RBFOX1: variants seen among roughly 807,000 people sequenced by gnomAD.
RBFOX1 encodes RNA binding fox-1 homolog 1.
RBFOX1 carries 8 observed loss-of-function variants against 57.7 expected under a neutral mutation model. The ratio of observed to expected loss-of-function variants is 0.14; its 90% CI spans 0.08 to 0.25. The LOEUF is 0.25. RBFOX1 is among the 10% of genes least tolerant of loss of function. The pLI, the probability that RBFOX1 is intolerant of heterozygous loss-of-function variation, is 1.00. For missense variants in RBFOX1, 611 were observed against 548.5 expected, an observed-to-expected ratio of 1.11 and a Z score of -1.14; for synonymous variants, 326 against 222.4, an observed-to-expected ratio of 1.47 and a Z score of -4.15.
At position 6,907,283 on chromosome 16, in the gene RBFOX1, A is replaced by G. The variant is rs562756307; in HGVS notation, c.-15-144774A>G. Among the ~76,000 whole-genome samples, 10 of 152,264 alleles carry G rather than the reference A, an allele frequency of 6.6e-5. No individual in the cohort carries two copies. In the South Asian group the frequency reaches 1.9e-3, roughly 28 times the overall value. On this transcript the variant is annotated intron_variant, in intron 3 of 15. Coordinates refer to ENST00000550418, the MANE Select transcript of RBFOX1 (RefSeq NM_018723.4). ...GTTTGTAGTGCTGACAGTGAGAGTC[A>G]TCTTTACCGATGTGCCTCCTTCAGT...
At chr16:6,105,618 A>T (rs1597358657) in intron 1 of RBFOX1, among the ~76,000 whole-genome samples, 2 of 151,510 alleles carry the variant, frequency 1.3e-5, no homozygotes. Context: ...ATTTTATTTT[A>T]TTTTTTTGTT....
intron 3 of RBFOX1, among the ~76,000 whole-genome samples, chr16:6,881,768 A>G (rs969110013): frequency 6.6e-6 from 1 of 152,184 alleles, no homozygotes; most frequent in African/African-American, 2.4e-5. Flanking sequence ...ATGAGCTTAT[A>G]TACCATTATC....
At chr16:6,523,985 T>G (rs9926638) in intron 2 of RBFOX1, among the ~76,000 whole-genome samples, 60,021 of 152,056 alleles carry the variant, frequency 0.39, 12,889 homozygotes, top group Non-Finnish European at 0.49. Context: ...CCCTCATGCA[T>G]TTATCCTTTG....
chr16:7,320,486 C>T (rs1340610615), intron 4 of RBFOX1, among the ~76,000 whole-genome samples: 1 of 152,188 alleles, frequency 6.6e-6, no homozygotes, highest in African/African-American at 2.4e-5. Flanking sequence ...CTTTGATGGG[C>T]ATTTGTGTTG....
At chr16:6,131,711 T>G (rs1383221130) in intron 1 of RBFOX1, among the ~76,000 whole-genome samples, 1 of 152,210 alleles carries the variant, frequency 6.6e-6, no homozygotes. Flanking sequence ...TCTGGAGTTA[T>G]AAAAGCCCAT....
chr16:7,315,093 T>C (rs5815395), intron 4 of RBFOX1, among the ~76,000 whole-genome samples: 3 of 109,590 alleles, frequency 2.7e-5, no homozygotes, highest in Non-Finnish European at 5.4e-5. Context: ...GAAAAGCTCT[T>C]TTTTTTTTTT....
At chr16:5,630,268 G>T (rs1021988203) in intron 3 of RBFOX1, among the ~76,000 whole-genome samples, 5 of 152,024 alleles carry the variant, frequency 3.3e-5, no homozygotes, top group Admixed American at 6.6e-5. Flanking sequence ...ACCAGCCTGG[G>T]CAACATGGTG....
chr16:7,442,576 T>C (rs2098777099), intron 4 of RBFOX1, among the ~76,000 whole-genome samples: 1 of 152,132 alleles, frequency 6.6e-6, no homozygotes, highest in Non-Finnish European at 1.5e-5. Context: ...TAATGAGTTG[T>C]CCCTGCAACT....
chr16:7,042,318 T>C (rs1424890054), intron 3 of RBFOX1, among the ~76,000 whole-genome samples: 1 of 152,164 alleles, frequency 6.6e-6, no homozygotes, highest in African/African-American at 2.4e-5. Flanking sequence ...ATGGTTTTGT[T>C]TGGTTTACCT....
intron 1 of RBFOX1, among the ~76,000 whole-genome samples, chr16:6,086,062 G>C (rs1441074103): frequency 1.3e-5 from 2 of 152,148 alleles, no homozygotes; most frequent in Non-Finnish European, 2.9e-5. Flanking sequence ...TTATGAGTGA[G>C]AACATGTGGT....
chr16:6,112,960 A>G (rs542176865), intron 1 of RBFOX1, among the ~76,000 whole-genome samples: 2 of 152,292 alleles, frequency 1.3e-5, no homozygotes, highest in Admixed American at 1.3e-4. Flanking sequence ...GGGCCTAGAA[A>G]TGGCAAGGAA....
At chr16:7,706,290 G>C (rs1385987668) in intron 14 of RBFOX1, among the ~76,000 whole-genome samples, 1 of 152,256 alleles carries the variant, frequency 6.6e-6, no homozygotes, top group East Asian at 1.9e-4. Flanking sequence ...TAAAACCATT[G>C]GATTCTGAAG....
intron 2 of RBFOX1, among the ~76,000 whole-genome samples, chr16:6,335,062 G>A (rs775828030): frequency 6.6e-6 from 1 of 152,188 alleles, no homozygotes; most frequent in Admixed American, 6.5e-5. Flanking sequence ...ATCCCCTTTC[G>A]ATGTGATAGT....
intron 10 of RBFOX1, among the ~76,000 whole-genome samples, chr16:7,608,180 C>T (rs6416822): frequency 0.85 from 130,068 of 152,158 alleles, 56,401 homozygotes; most frequent in Non-Finnish European, 0.9. Flanking sequence ...AATCCGTTGA[C>T]CTAGAGCCAC....
At chr16:5,627,890 GGGGTCCT>G (rs2048391781) in intron 3 of RBFOX1, among the ~76,000 whole-genome samples, 1 of 152,126 alleles carries the variant, frequency 6.6e-6, no homozygotes, top group Non-Finnish European at 1.5e-5. Context: ...ATCCACAAGG[GGGGTCCT>G]GGAACAAATC....
At chr16:6,028,390 T>G (rs2095236504) in intron 1 of RBFOX1, among the ~76,000 whole-genome samples, 1 of 151,600 alleles carries the variant, frequency 6.6e-6, no homozygotes, top group Admixed American at 6.6e-5. Flanking sequence ...AAGAACATGA[T>G]GACCGGGCAT....
chr16:6,493,867 A>T (rs1598181705), intron 2 of RBFOX1, among the ~76,000 whole-genome samples: 1 of 152,214 alleles, frequency 6.6e-6, no homozygotes, highest in African/African-American at 2.4e-5. Flanking sequence ...AGTATAAACT[A>T]TGCAACGTTA....
chr16:7,224,759 G>T (rs1052726476), intron 4 of RBFOX1, among the ~76,000 whole-genome samples: 21 of 152,214 alleles, frequency 1.4e-4, no homozygotes, highest in African/African-American at 4.8e-4. Flanking sequence ...GAATGTGAGT[G>T]TCCAAAGTCC....
chr16:5,747,615 G>C (rs570557140), intron 3 of RBFOX1, among the ~76,000 whole-genome samples: 2 of 152,230 alleles, frequency 1.3e-5, no homozygotes, highest in South Asian at 4.1e-4. Context: ...TTGGGAGGGT[G>C]TATGTGTTGA....
Sources: allele counts gnomAD v4.1 joint callset (sites outside exome capture counted in the v4.1 genomes callset), GRCh38; gene constraint gnomAD v4.1.1; transcripts MANE v1.5; gene names NCBI Gene and HGNC (gene_info 2026-07-23, HGNC 2026-07-21).